Variants in TRDN observed in about 807,000 individuals in gnomAD.
TRDN encodes triadin in skeletal muscle.
A neutral mutation model predicts 149.7 loss-of-function variants in TRDN; 161 were observed. The ratio of observed to expected loss-of-function variants is 1.08; its 90% confidence interval spans 0.95 to 1.23. The LOEUF is 1.23. TRDN is among the 50% of genes most tolerant of loss of function. The pLI, the probability that TRDN is intolerant of heterozygous loss-of-function variation, is 0.00. For missense variants in TRDN, 896 were observed against 823.5 expected (o/e 1.09, Z -1.08); for synonymous variants, 294 against 250.5 (o/e 1.17, Z -1.64).
chr6:123,496,597 C>A (rs1778458087), intron 9 of TRDN, among the ~76,000 whole-genome samples: 1 of 151,796 alleles, frequency 6.6e-6, no homozygotes. Flanking sequence ...TAAAAAATAC[C>A]TTTTTATACT....
At chr6:123,256,001 A>T (rs1776544853) in intron 35 of TRDN, 99 bp from the exon 36 acceptor site, 1 of 581,766 alleles carries the variant, frequency 1.7e-6, no homozygotes, top group Non-Finnish European at 2.5e-6. Flanking sequence ...CAGGTTTGTT[A>T]CATAGGTATA....
chr6:123,634,967 T>C (rs553488075), intron 1 of TRDN, among the ~76,000 whole-genome samples: 37 of 152,006 alleles, frequency 2.4e-4, no homozygotes, highest in African/African-American at 8.7e-4. Flanking sequence ...AAACAAAAGC[T>C]CTATTTCATA....
chr6:123,415,967 G>A (rs1325510078), intron 12 of TRDN, among the ~76,000 whole-genome samples: 1 of 152,140 alleles, frequency 6.6e-6, no homozygotes, highest in Non-Finnish European at 1.5e-5. Context: ...GAAAGTTTTA[G>A]CACTGCTGGG....
intron 19 of TRDN, among the ~76,000 whole-genome samples, chr6:123,370,787 G>A (rs1021627425): frequency 6.6e-5 from 10 of 150,630 alleles, no homozygotes; most frequent in Admixed American, 3.3e-4. Context: ...GTACAATTCC[G>A]TTATTACTTA....
At chr6:123,462,763 A>C (rs941639413) in intron 10 of TRDN, 5 of 151,964 alleles carry the variant, frequency 3.3e-5, no homozygotes, top group African/African-American at 1.2e-4. Context: ...GTGCATCAAG[A>C]GGACTGGCAT....
intron 5 of TRDN, among the ~76,000 whole-genome samples, chr6:123,522,562 T>G (rs1779742633): frequency 6.6e-6 from 1 of 150,440 alleles, no homozygotes; most frequent in Non-Finnish European, 1.5e-5. Flanking sequence ...TCATCCATAT[T>G]TATCTGTACT....
At chr6:123,455,481 G>A (rs55809508) in intron 10 of TRDN, among the ~76,000 whole-genome samples, 19,586 of 151,348 alleles carry the variant, frequency 0.13, 1,774 homozygotes, top group South Asian at 0.28. Context: ...AAAGAGGAGC[G>A]AGACGGGAGA....
intron 38 of TRDN, among the ~76,000 whole-genome samples, chr6:123,245,204 C>T (rs1776128757): frequency 6.6e-6 from 1 of 152,068 alleles, no homozygotes; most frequent in South Asian, 2.1e-4. Flanking sequence ...GCAAAATAGC[C>T]AGCTGGCATC....
intron 21 of TRDN, among the ~76,000 whole-genome samples, chr6:123,340,899 T>C (rs1251335783): frequency 6.6e-6 from 1 of 152,020 alleles, no homozygotes; most frequent in Non-Finnish European, 1.5e-5. Flanking sequence ...CTTCCTAATA[T>C]GATACTGCAC....
chr6:123,554,725 G>GA (rs899794308), intron 2 of TRDN, among the ~76,000 whole-genome samples: 22 of 152,070 alleles, frequency 1.4e-4, no homozygotes, highest in African/African-American at 5.1e-4. Context: ...TGGGAAGAAA[G>GA]AAAAAACAGA....
At chr6:123,506,000 C>G (rs1488108933) in intron 7 of TRDN, among the ~76,000 whole-genome samples, 2 of 152,190 alleles carry the variant, frequency 1.3e-5, no homozygotes, top group Non-Finnish European at 2.9e-5. Flanking sequence ...GGTTTCTGCT[C>G]TTTCCTGCAG....
rs547221375 is a variant in TRDN at position 123,586,473 on chromosome 6, G to T, written c.23-15341C>A. On this transcript the variant is annotated intron_variant, in intron 1 of 40. Transcript: ENST00000334268. ...TGGGATGAGTTGCATTGGGAACAGA[G>T]ACTATAGAGGGACTGATGTGTAAAA... Among the ~76,000 whole-genome samples the T allele has an allele frequency of 9.2e-5, 14 of 152,218 alleles. No homozygotes were observed. The South Asian group carries it at 1.2e-3, about 14-fold the overall frequency.
At chr6:123,537,957 G>A (rs1780633903) in intron 4 of TRDN, among the ~76,000 whole-genome samples, 1 of 152,148 alleles carries the variant, frequency 6.6e-6, no homozygotes, top group South Asian at 2.1e-4. Context: ...CCAGTTTAAA[G>A]CATGCAATTT....
At chr6:123,587,197 C>G (rs757971339) in intron 1 of TRDN, among the ~76,000 whole-genome samples, 8 of 152,106 alleles carry the variant, frequency 5.3e-5, no homozygotes, top group Non-Finnish European at 1.0e-4. Context: ...GGCGTCCCTG[C>G]GTGGTCTGAC....
intron 19 of TRDN, among the ~76,000 whole-genome samples, chr6:123,370,499 C>T (rs1781284325): frequency 6.6e-6 from 1 of 152,146 alleles, no homozygotes; most frequent in South Asian, 2.1e-4. Context: ...TGCCAGTGGA[C>T]ACTAGGTCAC....
chr6:123,534,125 C>G (rs181181812), intron 4 of TRDN, among the ~76,000 whole-genome samples: 1 of 152,072 alleles, frequency 6.6e-6, no homozygotes, highest in Admixed American at 6.6e-5. Flanking sequence ...GATACACACA[C>G]AGTAAAGTCT....
At chr6:123,258,603 T>C (rs895540588) in intron 35 of TRDN, among the ~76,000 whole-genome samples, 1 of 152,058 alleles carries the variant, frequency 6.6e-6, no homozygotes, top group Non-Finnish European at 1.5e-5. Flanking sequence ...TTTCTTTTTT[T>C]TGTTATGTCT....
chr6:123,523,768 G>C (rs1417676432), intron 5 of TRDN, among the ~76,000 whole-genome samples: 3 of 152,088 alleles, frequency 2.0e-5, no homozygotes, highest in Non-Finnish European at 4.4e-5. Flanking sequence ...AGAAGTCTAT[G>C]GCAGGAACTA....
chr6:123,456,394 A>G (rs1369464793), intron 10 of TRDN, among the ~76,000 whole-genome samples: 1 of 152,186 alleles, frequency 6.6e-6, no homozygotes, highest in Non-Finnish European at 1.5e-5. Flanking sequence ...TATGTCTTCT[A>G]CTTCTTAATA....
Sources: gnomAD v4.1 joint callset for allele counts (sites outside exome capture counted in the v4.1 genomes callset) on GRCh38, gnomAD v4.1.1 for gene constraint, MANE v1.5 for transcripts, NCBI Gene and HGNC (gene_info 2026-07-23, HGNC 2026-07-21) for gene names.